Variants in FMN1 observed in about 807,000 individuals in gnomAD.
FMN1 encodes the protein formin 1, also known as formin-1.
FMN1 carries 110 observed loss-of-function variants against 132.4 expected under a neutral mutation model. The ratio of observed to expected loss-of-function variants is 0.83; its 90% CI spans 0.71 to 0.97. The LOEUF (loss-of-function observed/expected upper bound fraction) is 0.97. Ranked by LOEUF, FMN1 falls within the 50% of genes least tolerant of loss-of-function variation. The pLI, the probability that FMN1 is intolerant of heterozygous loss-of-function variation, is 0.00. For synonymous variants in FMN1, 722 were observed against 651.7 expected, an observed-to-expected ratio of 1.11 and a Z score of -1.64; for missense variants, 1,792 against 1,705.3, an observed-to-expected ratio of 1.05 and a Z score of -0.90.
chr15:32,810,530 C>G (rs962939362), intron 17 of FMN1, among the ~76,000 whole-genome samples: 4 of 152,184 alleles, frequency 2.6e-5, no homozygotes, highest in Admixed American at 6.5e-5. Flanking sequence ...CTATTTTCCA[C>G]AGTTAACTTT....
intron 19 of FMN1, among the ~76,000 whole-genome samples, chr15:32,783,323 C>G (rs1265188490): frequency 3.3e-5 from 5 of 152,168 alleles, no homozygotes; most frequent in Admixed American, 2.6e-4. Context: ...CATATGCTCC[C>G]TAAGGAGTTA....
At chr15:33,057,650 T>A (rs1254466714) in intron 6 of FMN1, among the ~76,000 whole-genome samples, 1 of 152,196 alleles carries the variant, frequency 6.6e-6, no homozygotes, top group African/African-American at 2.4e-5. Flanking sequence ...TCAAACTTAA[T>A]TATTTCTTCA....
At chr15:33,038,476 A>G (rs369401346) in intron 6 of FMN1, among the ~76,000 whole-genome samples, 1 of 152,148 alleles carries the variant, frequency 6.6e-6, no homozygotes, top group Admixed American at 6.5e-5. Flanking sequence ...TTTTCTATTA[A>G]TCACCCTGTC....
chr15:33,028,919 A>G (rs1201450658), intron 6 of FMN1, among the ~76,000 whole-genome samples: 1 of 152,228 alleles, frequency 6.6e-6, no homozygotes, highest in Non-Finnish European at 1.5e-5. Context: ...CATTTTCACT[A>G]GTTTGAAAAT....
Position 32,955,772 on chromosome 15 carries a change from T to C in FMN1, c.3138+8335A>G, listed in dbSNP as rs531375625. 1.4e-4 allele frequency among the ~76,000 whole-genome samples: 21 copies of C among 152,264 alleles called. No homozygotes were observed. In the East Asian group the frequency reaches 4.0e-3, roughly 29 times the overall value. Reference sequence around the variant, plus strand: ...AAATAAACTTTTGCTTTTCACTCTCTTCCGATATGGAAGATTTTAAAGATG... The same window carrying C: ...AAATAAACTTTTGCTTTTCACTCTCCTCCGATATGGAAGATTTTAAAGATG... On this transcript the variant is annotated intron_variant, in intron 9 of 20. Coordinates refer to ENST00000616417, the MANE Select transcript of FMN1 (RefSeq NM_001277313.2).
chr15:33,077,480 C>T (rs1438957490), intron 5 of FMN1, among the ~76,000 whole-genome samples: 1 of 151,360 alleles, frequency 6.6e-6, no homozygotes, highest in Non-Finnish European at 1.5e-5. Context: ...TCGTCATTTA[C>T]CTTAGGTATA....
chr15:33,017,409 G>C (rs1189712961), intron 6 of FMN1, among the ~76,000 whole-genome samples: 21 of 108,980 alleles, frequency 1.9e-4, no homozygotes, highest in Admixed American at 1.7e-3. Context: ...GGGCGCAGTA[G>C]ACGGTGAGAG....
intron 4 of FMN1, among the ~76,000 whole-genome samples, chr15:33,147,787 G>A (rs577645063): frequency 2.6e-5 from 4 of 152,074 alleles, no homozygotes; most frequent in Admixed American, 1.3e-4. Context: ...CATTTATTTC[G>A]TATTTCACAT....
intron 6 of FMN1, among the ~76,000 whole-genome samples, chr15:33,058,712 T>G (rs1220527491): frequency 6.6e-5 from 10 of 152,242 alleles, no homozygotes; most frequent in Admixed American, 5.2e-4. Flanking sequence ...TCTACTTTAT[T>G]GTTCAGGTCC....
intron 7 of FMN1, among the ~76,000 whole-genome samples, chr15:32,984,271 T>C (rs369668016): frequency 1.3e-5 from 2 of 152,206 alleles, no homozygotes; most frequent in African/African-American, 2.4e-5. Context: ...CTTTGGGTTT[T>C]TTATTTTCTT....
intron 4 of FMN1, among the ~76,000 whole-genome samples, chr15:33,091,693 TG>T (rs1195622572): frequency 6.6e-6 from 1 of 152,206 alleles, no homozygotes; most frequent in Non-Finnish European, 1.5e-5. Flanking sequence ...AATTTGGGAA[TG>T]GAGAGTTTTA....
Position 32,886,825 on chromosome 15 carries a change from T to C in FMN1, c.3835+1347A>G, listed in dbSNP as rs146737509. Among the ~76,000 whole-genome samples, 245 of 152,232 alleles carry C rather than the reference T, an allele frequency of 1.6e-3. 2 individuals carry two copies. The highest frequency in any genetic ancestry group is 5.7e-3 in the African/African-American group (238 of 41,536). Reference sequence around the variant, plus strand: ...ACCAGTGGAGAGGGACAGACAAAAATGCTAGCTGGTAGCTTACTACGCTTT... The same window carrying C: ...ACCAGTGGAGAGGGACAGACAAAAACGCTAGCTGGTAGCTTACTACGCTTT... On this transcript the variant is annotated intron_variant, in intron 16 of 20. Coordinates refer to ENST00000616417, the MANE Select transcript of FMN1 (RefSeq NM_001277313.2).
rs191402537 is a variant in FMN1 at position 33,023,483 on chromosome 15, T to C, written c.2162-15408A>G. ...TAATCATCATAAACAATAATGATAGTAGCAACACACTAAGAGACAAGAAAC... is the reference window on the plus strand; with the variant it reads ...TAATCATCATAAACAATAATGATAGCAGCAACACACTAAGAGACAAGAAAC... On this transcript the variant is annotated intron_variant, in intron 6 of 20. Coordinates refer to ENST00000616417, the MANE Select transcript of FMN1 (RefSeq NM_001277313.2). Among the ~76,000 whole-genome samples, 3 of 152,282 alleles carry C rather than the reference T, an allele frequency of 2.0e-5. No homozygotes were observed. The East Asian group carries it at 5.8e-4, about 29-fold the overall frequency.
At chr15:33,123,010 G>T (rs376392047) in intron 4 of FMN1, among the ~76,000 whole-genome samples, 1 of 151,022 alleles carries the variant, frequency 6.6e-6, no homozygotes, top group Non-Finnish European at 1.5e-5. Flanking sequence ...GGCCGAGAGA[G>T]GTTAAGTAAT....
At chr15:33,111,242 T>TACAA (rs2039691246) in intron 4 of FMN1, among the ~76,000 whole-genome samples, 1 of 152,106 alleles carries the variant, frequency 6.6e-6, no homozygotes, top group Non-Finnish European at 1.5e-5. Context: ...TAAAAAAACT[T>TACAA]AAAGGATCCT....
chr15:32,944,910 G>C (rs1049720789), intron 9 of FMN1, among the ~76,000 whole-genome samples: 3 of 152,100 alleles, frequency 2.0e-5, no homozygotes, highest in African/African-American at 7.2e-5. Flanking sequence ...AAAAGACCAA[G>C]AGACATCAGT....
intron 16 of FMN1, among the ~76,000 whole-genome samples, chr15:32,880,886 T>G (rs371595300): frequency 1.3e-5 from 2 of 152,208 alleles, no homozygotes; most frequent in East Asian, 3.8e-4. Flanking sequence ...TGAAATGTTC[T>G]AGTAATAGTA....
chr15:33,000,645 G>A lies in FMN1; in HGVS notation c.2223+7369C>T, dbSNP rs1223157153. 5.3e-5 allele frequency among the ~76,000 whole-genome samples: 8 copies of A among 151,920 alleles called. 1 individual carries two copies. The highest frequency in any genetic ancestry group is 1.0e-4 in the Non-Finnish European group (7 of 67,984). ...AAACAAGATAAAATAATAAATAAAGGATGCAACCAGAACTCAGGAAGTGGA... is the reference window on the plus strand; with the variant it reads ...AAACAAGATAAAATAATAAATAAAGAATGCAACCAGAACTCAGGAAGTGGA... On this transcript the variant is annotated intron_variant, in intron 7 of 20. Transcript: ENST00000616417.
chr15:33,105,811 A>G (rs957173285), intron 4 of FMN1: 4 of 77,952 alleles, frequency 5.1e-5, no homozygotes, highest in Non-Finnish European at 1.0e-4. Flanking sequence ...ATAGGACAAG[A>G]AAAAAAAAAC....
Sources: allele counts gnomAD v4.1 joint callset (sites outside exome capture counted in the v4.1 genomes callset), GRCh38; gene constraint gnomAD v4.1.1; transcripts MANE v1.5; gene names NCBI Gene and HGNC (gene_info 2026-07-23, HGNC 2026-07-21).